IRAK1BP1: variants seen among roughly 807,000 people sequenced by gnomAD.
IRAK1BP1 encodes interleukin 1 receptor associated kinase 1 binding protein 1.
IRAK1BP1 carries 24 observed loss-of-function variants against 28.0 expected under a neutral mutation model. That is an observed-to-expected ratio of 0.86 (90% CI 0.62 to 1.20). The LOEUF is 1.20. IRAK1BP1 is among the 50% of genes most tolerant of loss of function. The pLI is 0.00. For synonymous variants in IRAK1BP1, 131 were observed against 116.3 expected (o/e 1.13, Z -0.81); for missense variants, 336 against 316.7 (o/e 1.06, Z -0.46).
At chr6:78,971,337 C>T in the IRAK1BP1 span, among the ~76,000 whole-genome samples, 1 of 152,220 alleles carries the variant, frequency 6.6e-6, no homozygotes, top group Admixed American at 6.5e-5. Flanking sequence ...CATTTATCCA[C>T]ATTTCATGAA....
the IRAK1BP1 span, among the ~76,000 whole-genome samples, chr6:78,964,576 T>G: frequency 6.6e-6 from 1 of 152,174 alleles, no homozygotes; most frequent in Non-Finnish European, 1.5e-5. Flanking sequence ...CACTGCCACC[T>G]CCGCCTCCCA....
Position 78,867,643 on chromosome 6 carries a change from C to T in IRAK1BP1, c.67C>T (p.Arg23Trp), listed in dbSNP as rs1388392393. 3 of 1,614,110 alleles carry T rather than the reference C, an allele frequency of 1.9e-6. No homozygotes were observed. Among genetic ancestry groups the T allele is most frequent in the Middle Eastern group, 1.6e-4 (1 of 6,084 alleles). ...VELVPWADRS[R>W]ENNLASGRET... ...ACTGGTTCCCTGGGCTGACCGGAGC[C>T]GGGAGAACAACCTGGCCTCAGGGAG... The change falls in exon 1 of 4, where the codon CGG (arginine) becomes TGG (tryptophan). Residue 23 changes from arginine to tryptophan, a missense_variant. Physicochemically the swap from Arg to Trp is moderately radical, Grantham distance 101. Transcript: ENST00000369940.
chr6:78,951,562 G>A, the IRAK1BP1 span, among the ~76,000 whole-genome samples: 1 of 152,092 alleles, frequency 6.6e-6, no homozygotes, highest in Non-Finnish European at 1.5e-5. Context: ...TTCTGTGACA[G>A]TAATTAACAA....
At chr6:78,946,202 CA>C (rs1773808709) in exon 5 of IRAK1BP1, 1 of 1,613,198 alleles carries the variant, frequency 6.2e-7, no homozygotes, top group Non-Finnish European at 8.5e-7. Context: ...GTAGAGAATG[CA>C]GAGGTAGAGC....
At chr6:78,889,855 A>T (rs967837195) in intron 2 of IRAK1BP1, among the ~76,000 whole-genome samples, 2 of 146,002 alleles carry the variant, frequency 1.4e-5, no homozygotes, top group African/African-American at 5.6e-5. Flanking sequence ...TTTGGAAGAC[A>T]GTGTGGCAAT....
At chr6:78,953,804 T>C in the IRAK1BP1 span, among the ~76,000 whole-genome samples, 1 of 152,180 alleles carries the variant, frequency 6.6e-6, no homozygotes, top group South Asian at 2.1e-4. Context: ...CAGGCTGGTC[T>C]TGAACTCCTG....
At chr6:78,892,953 G>A (rs375061518) in intron 2 of IRAK1BP1, among the ~76,000 whole-genome samples, 11 of 151,892 alleles carry the variant, frequency 7.2e-5, no homozygotes, top group African/African-American at 2.7e-4. Flanking sequence ...ATATAATTGA[G>A]GTCCCAATGC....
the IRAK1BP1 span, chr6:78,970,000 A>T: frequency 6.2e-7 from 1 of 1,602,440 alleles, no homozygotes; most frequent in South Asian, 1.1e-5. Context: ...AATCTTGAAA[A>T]ACAATCTACA....
chr6:78,924,722 G>C (rs545012438), intron 4 of IRAK1BP1, among the ~76,000 whole-genome samples: 4 of 152,246 alleles, frequency 2.6e-5, no homozygotes, highest in Admixed American at 6.5e-5. Context: ...TATCCACCAT[G>C]ATCAAGTGGG....
At chr6:78,872,877 A>G (rs1006731470) in intron 1 of IRAK1BP1, among the ~76,000 whole-genome samples, 1 of 152,158 alleles carries the variant, frequency 6.6e-6, no homozygotes, top group Non-Finnish European at 1.5e-5. Context: ...AACTTTTTAA[A>G]TATAAATTTC....
chr6:78,909,524 T>C (rs1683256073), intron 4 of IRAK1BP1, among the ~76,000 whole-genome samples: 1 of 152,226 alleles, frequency 6.6e-6, no homozygotes, highest in Admixed American at 6.5e-5. Flanking sequence ...ACTTCCTGAT[T>C]CCAAGCCGAA....
chr6:78,969,857 T>G, the IRAK1BP1 span: 1 of 1,580,742 alleles, frequency 6.3e-7, no homozygotes, highest in Non-Finnish European at 8.7e-7. Context: ...GCCTGTATTT[T>G]GCATCATCAA....
chr6:78,927,270 G>A (rs997764953), intron 4 of IRAK1BP1, among the ~76,000 whole-genome samples: 6 of 152,098 alleles, frequency 3.9e-5, no homozygotes, highest in African/African-American at 1.4e-4. Context: ...TCCCATCGTA[G>A]TTTTGATTTG....
At chr6:78,890,296 G>A (rs1235871684) in intron 2 of IRAK1BP1, among the ~76,000 whole-genome samples, 1 of 151,812 alleles carries the variant, frequency 6.6e-6, no homozygotes, top group African/African-American at 2.4e-5. Flanking sequence ...GGGAGGGATA[G>A]CATTAGGAGA....
intron 4 of IRAK1BP1, among the ~76,000 whole-genome samples, chr6:78,914,864 G>A (rs933711352): frequency 2.6e-5 from 4 of 151,902 alleles, no homozygotes; most frequent in Non-Finnish European, 2.9e-5. Context: ...TCTATCACCC[G>A]GGCTGGAGTG....
chr6:78,933,071 TAAAG>T (rs1773111371), intron 4 of IRAK1BP1, among the ~76,000 whole-genome samples: 1 of 152,056 alleles, frequency 6.6e-6, no homozygotes, highest in Non-Finnish European at 1.5e-5. Context: ...TTTGGAATGG[TAAAG>T]AAGCACTGGC....
At chr6:78,875,525 A>G (rs547624669) in intron 1 of IRAK1BP1, among the ~76,000 whole-genome samples, 6 of 152,362 alleles carry the variant, frequency 3.9e-5, no homozygotes, top group Admixed American at 6.5e-5. Context: ...TGTGATGCTT[A>G]TACACAATGA....
At chr6:78,971,175 A>G in the IRAK1BP1 span, among the ~76,000 whole-genome samples, 2 of 152,208 alleles carry the variant, frequency 1.3e-5, no homozygotes, top group South Asian at 4.1e-4. Context: ...TCTATGTTGC[A>G]TAATAACGTT....
At chr6:78,871,386 T>C in intron 1 of IRAK1BP1, 3 of 985,414 alleles carry the variant, frequency 3.0e-6, no homozygotes, top group African/African-American at 1.7e-5. Context: ...GCAAGACTAC[T>C]GTAAGATTCC....
Sources: gnomAD v4.1 joint callset for allele counts (sites outside exome capture counted in the v4.1 genomes callset) on GRCh38, gnomAD v4.1.1 for gene constraint, MANE v1.5 for transcripts, NCBI Gene and HGNC (gene_info 2026-07-23, HGNC 2026-07-21) for gene names.